The following MAPT variants were observed in gnomAD, a reference collection of about 807,000 sequenced individuals.
MAPT encodes microtubule-associated protein tau.
In MAPT, 34 loss-of-function variants were observed where a neutral mutation model predicts 67.9. The observed-to-expected ratio is 0.50, with a 90% CI of 0.38 to 0.67. The LOEUF (loss-of-function observed/expected upper bound fraction) is 0.67, where lower values mean the gene tolerates loss of function less well. MAPT is among the 30% of genes least tolerant of loss of function. The probability of loss-of-function intolerance (pLI) is 0.00; values close to 1 mark genes in which losing one functional copy is unlikely to be tolerated. For synonymous variants in MAPT, 456 were observed against 464.5 expected (o/e 0.98, Z 0.23); for missense variants, 881 against 1,115.2 (o/e 0.79, Z 2.99).
rs902460814 is a variant in MAPT, at chr17:46,009,595, G to A, written c.1999-715G>A. ...GCTGGTGGGTGGATGGAAGGAGAAGGCACAGCCCCCCCTTGCAGGGACAGA... is the reference window on the plus strand; with the variant it reads ...GCTGGTGGGTGGATGGAAGGAGAAGACACAGCCCCCCCTTGCAGGGACAGA... On this transcript the variant is annotated intron_variant, in intron 9 of 12. Coordinates refer to ENST00000262410, the MANE Select transcript of MAPT (RefSeq NM_001377265.1). Among the ~76,000 whole-genome samples the A allele has an allele frequency of 8.0e-5, 9 of 112,796 alleles. 2 individuals are homozygous for A. Among genetic ancestry groups the A allele is most frequent in the Non-Finnish European group, 2.2e-4 (9 of 41,742 alleles). The allele number at this position is 112,796 out of a possible 152,430, so 74.0% of individuals were successfully genotyped here. A position where few individuals can be genotyped will look rare whatever the true frequency, so the allele number is the denominator to read the frequency against.
At chr17:45,969,355 C>T in intron 2 of MAPT, 1 of 152,718 alleles carries the variant, frequency 6.5e-6, no homozygotes. Flanking sequence ...ACCATCACAT[C>T]CATCCATCTA....
intron 1 of MAPT, among the ~76,000 whole-genome samples, chr17:45,917,625 T>C (rs1353495852): frequency 6.6e-6 from 1 of 152,156 alleles, no homozygotes; most frequent in African/African-American, 2.4e-5. Flanking sequence ...CTGGAAAGTA[T>C]CAGTGAAGTT....
In MAPT at chr17:46,017,621, T is replaced by A. The variant is rs184287884; in HGVS notation, c.2174-997T>A. 1.5e-3 allele frequency among the ~76,000 whole-genome samples: 231 copies of A among 149,950 alleles called. 1 individual carries two copies. The highest frequency in any genetic ancestry group is 2.0e-3 in the Non-Finnish European group (138 of 67,402). ...GGTGCCCGCCACCATGCTCAACTAA[T>A]TTTTGTATTTTTTTTTTAGTAGAGA... is the stretch of plus-strand genomic sequence containing the variant. On this transcript the variant is annotated intron_variant, in intron 11 of 12. Coordinates refer to ENST00000262410, the MANE Select transcript of MAPT (RefSeq NM_001377265.1).
Position 46,011,458 on chromosome 17 carries a change from G to C in MAPT, c.2091+1056G>C, listed in dbSNP as rs536767765. ...TTGGCTTCCTCTAAATGTCCCCGGG[G>C]ACTCCGTGCATCTTCTGTGGAGTGT... On this transcript the variant is annotated intron_variant, in intron 10 of 12. Transcript: ENST00000262410. 4.1e-4 allele frequency among the ~76,000 whole-genome samples: 62 copies of C among 152,242 alleles called. 2 individuals carry two copies. The highest frequency in any genetic ancestry group is 3.6e-3 in the Admixed American group (55 of 15,292).
At position 46,024,433 on chromosome 17, in the gene MAPT, A is replaced by G. The variant is rs2076718710; in HGVS notation, c.*262A>G. 1.8e-6 allele frequency: 1 copy of G among 552,518 alleles called. No individual in the cohort carries two copies. The highest frequency in any genetic ancestry group is 3.2e-6 in the Non-Finnish European group (1 of 307,824). 34.2% of individuals were successfully genotyped at this position (552,518 alleles called of 1,614,324 possible). On this transcript the variant is annotated 3_prime_UTR_variant, in exon 13 of 13. Coordinates refer to ENST00000262410, the MANE Select transcript of MAPT (RefSeq NM_001377265.1). ...TATTTAAAAAAAAACATTCAAAAAC[A>G]TGGCCACATCCAACATTTCCTCAGG...
At chr17:45,998,757 A>G (rs2074730232) in intron 9 of MAPT, among the ~76,000 whole-genome samples, 1 of 151,892 alleles carries the variant, frequency 6.6e-6, no homozygotes, top group Non-Finnish European at 1.5e-5. Flanking sequence ...ACTGGGGACA[A>G]TGCGCTCCCT....
chr17:45,946,365 G>A (rs1404323232), intron 1 of MAPT, among the ~76,000 whole-genome samples: 2 of 151,960 alleles, frequency 1.3e-5, no homozygotes, highest in African/African-American at 2.4e-5. Context: ...ACTTTGGGAG[G>A]CTGAGGTGAG....
chr17:45,956,580 ATATATATATATATATATATATT>A (rs1347295633), intron 1 of MAPT, among the ~76,000 whole-genome samples: 226 of 2,560 alleles, frequency 0.088, 1 homozygote, highest in Non-Finnish European at 0.22. Context: ...ATATATATAT[ATATATATATATATATATATATT>A]TTTTATTATT....
rs139902449 is a variant in MAPT, at chr17:45,923,521, G to T, written c.-18+28835G>T. Reference sequence around the variant, plus strand: ...AGCCCTCAGGGCTCTGTGTGATTCTGGGTTCCTCCCATAAAAGATAATCAG... The same window carrying T: ...AGCCCTCAGGGCTCTGTGTGATTCTTGGTTCCTCCCATAAAAGATAATCAG... On this transcript the variant is annotated intron_variant, in intron 1 of 12. Transcript: ENST00000262410. Among the ~76,000 whole-genome samples, 1,292 of 152,306 alleles carry T rather than the reference G, an allele frequency of 8.5e-3. 19 individuals are homozygous for T. Among genetic ancestry groups the T allele is most frequent in the African/African-American group, 0.03 (1,228 of 41,560 alleles).
At chr17:45,919,347 G>A (rs2065477577) in intron 1 of MAPT, among the ~76,000 whole-genome samples, 2 of 146,958 alleles carry the variant, frequency 1.4e-5, no homozygotes, top group South Asian at 4.2e-4. Flanking sequence ...CAGAGGAAGG[G>A]GCGCCCCCCC....
At chr17:45,956,628 G>A (rs983367715) in intron 1 of MAPT, among the ~76,000 whole-genome samples, 35 of 145,222 alleles carry the variant, frequency 2.4e-4, no homozygotes, top group African/African-American at 8.7e-4. Flanking sequence ...TTAAGTTCTA[G>A]GGTACATGTG....
intron 12 of MAPT, among the ~76,000 whole-genome samples, chr17:46,019,154 G>A (rs190454193): frequency 1.3e-5 from 2 of 152,278 alleles, no homozygotes; most frequent in Non-Finnish European, 2.9e-5. Context: ...ATGGCGGAAG[G>A]CAAAGGAGAA....
chr17:45,934,778 G>A (rs958738618), intron 1 of MAPT, among the ~76,000 whole-genome samples: 3 of 152,198 alleles, frequency 2.0e-5, no homozygotes, highest in African/African-American at 7.2e-5. Flanking sequence ...CTAGCTGAGT[G>A]ACTTTGCACA....
In MAPT at chr17:45,983,380, T is replaced by G; in HGVS notation, c.801T>G (p.Leu267=). The G allele has an allele frequency of 1.9e-6, 3 of 1,608,820 alleles. No homozygotes were observed. The highest frequency in any genetic ancestry group is 2.5e-6 in the Non-Finnish European group (3 of 1,177,816). The change falls in exon 5 of 13, where the codon CTT becomes CTG. Residue 267 remains leucine (L), a synonymous_variant. Transcript: ENST00000262410. The part of the protein sequence containing the change: ...RHAPELLKHQ[L]LGDLHQEGPP... ...CCCCTGAGCTGCTCAAGCACCAGCT[T>G]CTAGGAGACCTGCACCAGGAGGGGC... is the stretch of plus-strand genomic sequence containing the variant.
At position 45,995,375 on chromosome 17, in the gene MAPT, G is replaced by C. The variant is rs993637986; in HGVS notation, c.1733-1024G>C. Among the ~76,000 whole-genome samples the C allele has an allele frequency of 6.6e-6, 1 of 152,184 alleles. No homozygotes were observed. Among genetic ancestry groups the C allele is most frequent in the Non-Finnish European group, 1.5e-5 (1 of 68,032 alleles). On this transcript the variant is annotated intron_variant, in intron 8 of 12. Transcript: ENST00000262410. The surrounding 1 kb of genome is among the most constrained non-coding windows in gnomAD (Gnocchi z 4.3). Reference sequence around the variant, plus strand: ...TGCAGGTCCCACCCCTAGAGATTCTGCTCTATCCACTCTTGAAGGGGATCG... The same window carrying C: ...TGCAGGTCCCACCCCTAGAGATTCTCCTCTATCCACTCTTGAAGGGGATCG...
intron 1 of MAPT, among the ~76,000 whole-genome samples, chr17:45,959,107 A>C (rs1452185395): frequency 6.6e-6 from 1 of 152,170 alleles, no homozygotes; most frequent in Non-Finnish European, 1.5e-5. Flanking sequence ...CTAGGATATC[A>C]TTTAAAAAAA....
Position 45,971,923 on chromosome 17 carries a change from T to C in MAPT, c.198T>C (p.Ala66=), listed in dbSNP as rs2145467235. ...AACCGGGCTCTGAAACCTCTGATGC[T>C]AAGAGCACTCCAACAGCGGAAGGTG... The part of the protein sequence containing the change: ...SEEPGSETSD[A]KSTPTAEAEE... Residue 66 remains alanine, a synonymous_variant, in exon 3 of 13, where the codon GCT becomes GCC. Coordinates refer to ENST00000262410, the MANE Select transcript of MAPT (RefSeq NM_001377265.1). The surrounding 1 kb of genome is among the most constrained non-coding windows in gnomAD (Gnocchi z 4.3). The C allele has an allele frequency of 6.2e-7, 1 of 1,614,066 alleles. No homozygotes were observed. The highest frequency in any genetic ancestry group is 1.1e-5 in the South Asian group (1 of 91,076).
At chr17:45,976,539 T>C (rs1169693834) in intron 3 of MAPT, 6 of 152,358 alleles carry the variant, frequency 3.9e-5, no homozygotes, top group Non-Finnish European at 5.9e-5. Context: ...TGGCCTATCC[T>C]GTTTGCTGTT....
intron 1 of MAPT, among the ~76,000 whole-genome samples, chr17:45,912,701 G>A (rs996670824): frequency 2.0e-5 from 3 of 152,178 alleles, no homozygotes; most frequent in African/African-American, 7.2e-5. Context: ...GCAGCCACAG[G>A]AATCAAAAAC....
Sources: gnomAD v4.1 joint callset for allele counts (sites outside exome capture counted in the v4.1 genomes callset) on GRCh38, gnomAD v4.1.1 for gene constraint, Gnocchi (gnomAD v3.1) non-coding constraint, MANE v1.5 for transcripts, NCBI Gene and HGNC (gene_info 2026-07-23, HGNC 2026-07-21) for gene names.